VWA3A: variants seen among roughly 807,000 people sequenced by gnomAD.
VWA3A encodes the protein von Willebrand factor A domain containing 3A, also known as von Willebrand factor A domain-containing protein 3A.
Under a neutral mutation model 160.4 loss-of-function variants are expected in VWA3A, and 134 were observed. The ratio of observed to expected loss-of-function variants is 0.84; its 90% confidence interval spans 0.73 to 0.96. The LOEUF (loss-of-function observed/expected upper bound fraction) is 0.96, where lower values mean the gene tolerates loss of function less well. Among genes scored for constraint, VWA3A ranks in the 40% least tolerant of loss-of-function variants. The pLI is 0.00. For synonymous variants in VWA3A, 476 were observed against 543.4 expected, an observed-to-expected ratio of 0.88 and a Z score of 1.72; for missense variants, 1,310 against 1,447.9, an observed-to-expected ratio of 0.90 and a Z score of 1.55.
intron 5 of VWA3A, among the ~76,000 whole-genome samples, chr16:22,100,833 C>T (rs1199049643): frequency 6.9e-6 from 1 of 145,158 alleles, no homozygotes; most frequent in Non-Finnish European, 1.5e-5. Context: ...AAGAGCATAA[C>T]TCTGTCTCAA....
chr16:22,144,373 G>A lies in VWA3A; in HGVS notation c.2719G>A (p.Val907Ile), dbSNP rs373926184. The change falls in exon 26 of 34, where the codon GTT (valine) becomes ATT (isoleucine). Residue 907 changes from valine (V) to isoleucine (I), a missense_variant. Coordinates refer to ENST00000389398, the MANE Select transcript of VWA3A (RefSeq NM_173615.5). ...CAAACACTGCAGCATCTTCCCCAGC[G>A]TTGAGATCCATGTAAGTCACAATTT... The part of the protein sequence containing the change: ...SAKHCSIFPS[V>I]EIHGVVRHIQ... 5.0e-5 allele frequency: 81 copies of A among 1,608,352 alleles called. No homozygotes were observed. The highest frequency in any genetic ancestry group is 5.6e-5 in the South Asian group (5 of 89,634).
chr16:22,113,363 C>CTTTTTTTTTTTTTTTTTTTTTTTTTTT lies in VWA3A; in HGVS notation c.690-1977_690-1951dup, dbSNP rs569069206. On this transcript the variant is annotated intron_variant, in intron 8 of 33. Transcript: ENST00000389398. ...TGCTCCACAATGCCTGGCTAATTTT[C>CTTTTTTTTTTTTTTTTTTTTTTTTTTT]TTTTTTTTTTTTTTTTTTTTTTTTT... Among the ~76,000 whole-genome samples the CTTTTTTTTTTTTTTTTTTTTTTTTTTT allele has an allele frequency of 1.7e-4, 8 of 46,264 alleles. 1 individual carries two copies. The highest frequency in any genetic ancestry group is 2.2e-4 in the African/African-American group (4 of 17,822). 30.4% of individuals were successfully genotyped at this position (46,264 alleles called of 152,430 possible).
chr16:22,122,713 G>T (rs2045765959), intron 14 of VWA3A, among the ~76,000 whole-genome samples: 1 of 152,140 alleles, frequency 6.6e-6, no homozygotes, highest in Admixed American at 6.5e-5. Context: ...AAGAAGCTAT[G>T]GCCAGTATAT....
At chr16:22,107,801 G>A (rs1012741575) in intron 6 of VWA3A, among the ~76,000 whole-genome samples, 8 of 152,120 alleles carry the variant, frequency 5.3e-5, no homozygotes, top group Admixed American at 3.9e-4. Context: ...GCTGGGGGAT[G>A]GTGATGCTGT....
At chr16:22,133,304 G>C (rs1211302334) in intron 20 of VWA3A, among the ~76,000 whole-genome samples, 1 of 152,184 alleles carries the variant, frequency 6.6e-6, no homozygotes, top group African/African-American at 2.4e-5. Flanking sequence ...ACAATTTTAA[G>C]TGATTGAAAT....
intron 27 of VWA3A, chr16:22,147,522 T>A (rs1288593449): frequency 1.4e-6 from 1 of 701,320 alleles, no homozygotes. Context: ...ATAGAGATCC[T>A]ACAGGTGGCT....
chr16:22,094,769 C>T (rs897695108), intron 1 of VWA3A, among the ~76,000 whole-genome samples: 5 of 151,966 alleles, frequency 3.3e-5, no homozygotes, highest in African/African-American at 7.2e-5. Flanking sequence ...AGTTTGAGAC[C>T]GGCCTGGCCA....
Position 22,118,899 on chromosome 16 carries a change from C to T in VWA3A, c.991-3C>T. 2 of 1,613,854 alleles carry T rather than the reference C, an allele frequency of 1.2e-6. No individual in the cohort carries two copies. The highest frequency in any genetic ancestry group is 8.5e-7 in the Non-Finnish European group (1 of 1,179,822). On this transcript the variant is annotated splice_region_variant and splice_polypyrimidine_tract_variant and intron_variant, in intron 11 of 33. Transcript: ENST00000389398. The stretch of plus-strand genomic sequence containing the variant: ...GATGTCTGATTGCTCTTGCCACCCT[C>T]AGCACTACACCAGCCGGGACATGGA...
At position 22,156,316 on chromosome 16, in the gene VWA3A, A is replaced by C; in HGVS notation, c.*299A>C. ...AAATGGTGGTGCTTCTTGCAAACCA[A>C]CCCCCTGCCTGAACGGTGCTTCTTG... On this transcript the variant is annotated 3_prime_UTR_variant, in exon 34 of 34. Transcript: ENST00000389398. The C allele has an allele frequency of 1.1e-5, 2 of 186,800 alleles. No homozygotes were observed. The highest frequency in any genetic ancestry group is 1.1e-5 in the Non-Finnish European group (1 of 90,718). The allele number at this position is 186,800 out of a possible 1,614,324, so 11.6% of individuals were successfully genotyped here. A position where few individuals can be genotyped will look rare whatever the true frequency, so the allele number is the denominator to read the frequency against.
At chr16:22,109,712 A>G (rs1278073391) in intron 7 of VWA3A, 132 bp downstream of exon 7, 2 of 714,806 alleles carry the variant, frequency 2.8e-6, no homozygotes, top group African/African-American at 3.5e-5. Flanking sequence ...TTCACACTTA[A>G]TTAGCACCTG....
At chr16:22,114,542 G>GTT (rs1002755219) in intron 8 of VWA3A, among the ~76,000 whole-genome samples, 35 of 152,330 alleles carry the variant, frequency 2.3e-4, no homozygotes, top group African/African-American at 8.2e-4. Flanking sequence ...AGTTTTAACA[G>GTT]TTGCTTACAG....
intron 8 of VWA3A, among the ~76,000 whole-genome samples, chr16:22,113,363 CTTT>C (rs569069206): frequency 6.1e-4 from 28 of 46,244 alleles, no homozygotes; most frequent in South Asian, 2.8e-3. Context: ...GGCTAATTTT[CTTT>C]TTTTTTTTTT....
In VWA3A at chr16:22,121,561, C is replaced by T. The variant is rs758827162; in HGVS notation, c.1300C>T (p.Pro434Ser). 9.9e-6 allele frequency: 16 copies of T among 1,613,730 alleles called. No individual in the cohort carries two copies. The highest frequency in any genetic ancestry group is 9.9e-5 in the South Asian group (9 of 91,064). The change falls in exon 14 of 34, where the codon CCT (proline) becomes TCT (serine). Residue 434 changes from proline to serine, a missense_variant. Transcript: ENST00000389398. ...GGTCCTGGCACCCAATGCATTCTCT[C>T]CTGTGGAGGAATTTGTACCTATTCT... ...YQVLAPNAFS[P>S]VEEFVPILQK...
intron 6 of VWA3A, among the ~76,000 whole-genome samples, chr16:22,105,555 C>T (rs1239102765): frequency 6.6e-6 from 1 of 152,236 alleles, no homozygotes; most frequent in Non-Finnish European, 1.5e-5. Flanking sequence ...TGTTTAGGCT[C>T]CCTAATTTTA....
At chr16:22,130,570 G>C (rs1035803321) in intron 17 of VWA3A, among the ~76,000 whole-genome samples, 1 of 152,106 alleles carries the variant, frequency 6.6e-6, no homozygotes, top group African/African-American at 2.4e-5. Flanking sequence ...CTGTCTTACA[G>C]GACAAATGAG....
chr16:22,120,851 A>T (rs1598066665), intron 12 of VWA3A, 117 bp from the exon 13 acceptor site: 1 of 1,297,850 alleles, frequency 7.7e-7, no homozygotes, highest in Non-Finnish European at 1.0e-6. Flanking sequence ...ACTGCCTTTA[A>T]TCTACCAGGG....
chr16:22,144,381 C>CCA lies in VWA3A; in HGVS notation c.2728_2729dup (p.Gly911MetfsTer4), dbSNP rs2046210322. On this transcript the variant is annotated frameshift_variant, in exon 26 of 34. Transcript: ENST00000389398. LOFTEE classifies it high-confidence loss of function. ...GCAGCATCTTCCCCAGCGTTGAGAT[C>CCA]CATGTAAGTCACAATTTTCATCATC... is the stretch of plus-strand genomic sequence containing the variant. The CCA allele has an allele frequency of 6.2e-7, 1 of 1,606,420 alleles. No homozygotes were observed. The highest frequency in any genetic ancestry group is 1.3e-5 in the African/African-American group (1 of 74,208).
intron 15 of VWA3A, 120 bp from the exon 16 acceptor site, chr16:22,123,493 G>A: frequency 6.3e-7 from 1 of 1,592,638 alleles, no homozygotes; most frequent in East Asian, 2.3e-5. Context: ...TATACTGCCT[G>A]GATTCCCAGG....
Position 22,096,962 on chromosome 16 carries a change from G to A in VWA3A, c.101+17G>A. 3.9e-6 allele frequency: 4 copies of A among 1,036,798 alleles called. No individual in the cohort carries two copies. The highest frequency in any genetic ancestry group is 1.8e-5 in the African/African-American group (1 of 54,576). 64.2% of individuals were successfully genotyped at this position (1,036,798 alleles called of 1,614,324 possible). ...AAACCATTGGTAAGCATAGTTCTCT[G>A]ATTTTTTTTTTTTTTTTTTTTGAGG... On this transcript the variant is annotated intron_variant, in intron 2 of 33. Transcript: ENST00000389398.
Sources: gnomAD v4.1 joint callset for allele counts (sites outside exome capture counted in the v4.1 genomes callset) on GRCh38, gnomAD v4.1.1 for gene constraint, MANE v1.5 for transcripts, NCBI Gene and HGNC (gene_info 2026-07-23, HGNC 2026-07-21) for gene names.